The following PIEZO2 variants were observed in gnomAD, a reference collection of about 807,000 sequenced individuals.
PIEZO2 encodes piezo-type mechanosensitive ion channel component 2.
A neutral mutation model predicts 337.3 loss-of-function variants in PIEZO2; 172 were observed. The ratio of observed to expected loss-of-function variants is 0.51; its 90% CI spans 0.45 to 0.58. The LOEUF is 0.58. Among genes scored for constraint, PIEZO2 ranks in the 20% least tolerant of loss-of-function variants. The probability of loss-of-function intolerance (pLI) is 0.00; values close to 1 mark genes in which losing one functional copy is unlikely to be tolerated. For missense variants in PIEZO2, 3,028 were observed against 3,391.3 expected, an observed-to-expected ratio of 0.89 and a Z score of 2.66; for synonymous variants, 1,251 against 1,228.5, an observed-to-expected ratio of 1.02 and a Z score of -0.38.
intron 4 of PIEZO2, among the ~76,000 whole-genome samples, chr18:10,882,690 A>T (rs1289700145): frequency 6.6e-6 from 1 of 152,030 alleles, no homozygotes; most frequent in East Asian, 1.9e-4. Context: ...TTTAGCTCCC[A>T]CATATGAATG....
chr18:10,695,050 A>G (rs1448545553), intron 47 of PIEZO2, among the ~76,000 whole-genome samples: 1 of 152,198 alleles, frequency 6.6e-6, no homozygotes, highest in East Asian at 1.9e-4. Flanking sequence ...ACTACATCAT[A>G]TGGACAAGGC....
In PIEZO2 at chr18:10,682,723, C is replaced by T. The variant is rs645505; in HGVS notation, c.7498-431G>A. On this transcript the variant is annotated intron_variant, in intron 49 of 55. Coordinates refer to ENST00000674853, the MANE Select transcript of PIEZO2 (RefSeq NM_001378183.1). This position sits in a 1 kb window ranked among gnomAD's most constrained non-coding sequence, Gnocchi z 5.6. ...GTGCCTTTCAGTTGACCCTTCCCTGCCCTTGGAGGGTGAAAAAACATGATT... is the reference window on the plus strand; with the variant it reads ...GTGCCTTTCAGTTGACCCTTCCCTGTCCTTGGAGGGTGAAAAAACATGATT... Among the ~76,000 whole-genome samples the T allele has an allele frequency of 0.7, 106,747 of 151,920 alleles. 40,101 individuals are homozygous for T. The highest frequency in any genetic ancestry group is 0.83 in the Non-Finnish European group (56,375 of 67,930).
chr18:11,130,420 G>A (rs995149318), intron 1 of PIEZO2, among the ~76,000 whole-genome samples: 2 of 152,250 alleles, frequency 1.3e-5, no homozygotes, highest in Non-Finnish European at 1.5e-5. Context: ...GGCAAGGCCA[G>A]CAATATACCT....
rs1350730409 is a variant in PIEZO2 at position 10,856,386 on chromosome 18, T to G, written c.703+615A>C. Among the ~76,000 whole-genome samples the G allele has an allele frequency of 6.6e-6, 1 of 152,138 alleles. No individual in the cohort carries two copies. The highest frequency in any genetic ancestry group is 1.9e-4 in the East Asian group (1 of 5,190). On this transcript the variant is annotated intron_variant, in intron 6 of 55. Transcript: ENST00000674853. The surrounding 1 kb of genome is among the most constrained non-coding windows in gnomAD (Gnocchi z 4.7). ...TAAAAAACAGCTAAGTTGCTGCATC[T>G]TTGCAGTTTGCTTGAGTCTACTCTA...
In PIEZO2 at chr18:11,126,054, G is replaced by T. The variant is rs1214199963; in HGVS notation, c.64+22471C>A. Among the ~76,000 whole-genome samples, 1 of 152,144 alleles carries T rather than the reference G, an allele frequency of 6.6e-6. No homozygotes were observed. Among genetic ancestry groups the T allele is most frequent in the Non-Finnish European group, 1.5e-5 (1 of 68,032 alleles). ...ATTTTCCAAAATACGTTAACTTTCAGTCTGTACTTACCCTTAGACCTGCAT... is the reference window on the plus strand; with the variant it reads ...ATTTTCCAAAATACGTTAACTTTCATTCTGTACTTACCCTTAGACCTGCAT... On this transcript the variant is annotated intron_variant, in intron 1 of 55. Coordinates refer to ENST00000674853, the MANE Select transcript of PIEZO2 (RefSeq NM_001378183.1). The surrounding 1 kb of genome is among the most constrained non-coding windows in gnomAD (Gnocchi z 4.6).
Position 10,731,177 on chromosome 18 carries a change from T to TATATATATATA in PIEZO2, c.5029+229_5029+230insTATATATATAT, listed in dbSNP as rs1555633703. Among the ~76,000 whole-genome samples the TATATATATATA allele has an allele frequency of 7.1e-4, 25 of 35,228 alleles. 2 individuals carry two copies. The highest frequency in any genetic ancestry group is 1.4e-3 in the East Asian group (1 of 692). The allele number at this position is 35,228 out of a possible 152,430, so 23.1% of individuals were successfully genotyped here. ...CTCTCCTTTTTTCCTACTTAAAAGA[T>TATATATATATA]TATATATATATATATATATATATAT... On this transcript the variant is annotated intron_variant, in intron 36 of 55. Transcript: ENST00000674853.
intron 3 of PIEZO2, among the ~76,000 whole-genome samples, chr18:10,925,872 G>GT (rs2031700852): frequency 6.7e-6 from 1 of 148,208 alleles, no homozygotes; most frequent in African/African-American, 2.5e-5. Context: ...CTGGCCAAAA[G>GT]TTTTTTAATG....
intron 4 of PIEZO2, among the ~76,000 whole-genome samples, chr18:10,880,580 T>C (rs1598621704): frequency 6.6e-6 from 1 of 151,962 alleles, no homozygotes; most frequent in Non-Finnish European, 1.5e-5. Flanking sequence ...GGTGGAAAGG[T>C]CACCTTCAAC....
At chr18:10,738,019 T>C (rs931969259) in intron 33 of PIEZO2, 1 of 152,198 alleles carries the variant, frequency 6.6e-6, no homozygotes. Context: ...AGTGGGTGAA[T>C]TGGGCCTTAT....
chr18:11,147,936 G>A (rs377699364), intron 1 of PIEZO2, among the ~76,000 whole-genome samples: 332 of 152,362 alleles, frequency 2.2e-3, no homozygotes, highest in Admixed American at 4.2e-3. Flanking sequence ...TATAGCCTTA[G>A]CATCCAGTAC....
chr18:10,881,626 T>C (rs141221499), intron 4 of PIEZO2, among the ~76,000 whole-genome samples: 43 of 152,320 alleles, frequency 2.8e-4, no homozygotes, highest in African/African-American at 8.4e-4. Flanking sequence ...ATCATGGAAA[T>C]TGGTATAAAT....
In PIEZO2 at chr18:10,797,528, T is replaced by C; in HGVS notation, c.1379-6A>G. On this transcript the variant is annotated splice_polypyrimidine_tract_variant and splice_region_variant and intron_variant, in intron 11 of 55. Transcript: ENST00000674853. ...CTCTTCCTCCTCTCGCTTTTCTAGATGGACGAATACTTTATTTAACTATTT... is the reference window on the plus strand; with the variant it reads ...CTCTTCCTCCTCTCGCTTTTCTAGACGGACGAATACTTTATTTAACTATTT... 1 of 1,536,478 alleles carries C rather than the reference T, an allele frequency of 6.5e-7. No individual in the cohort carries two copies. Among genetic ancestry groups the C allele is most frequent in the Non-Finnish European group, 8.7e-7 (1 of 1,146,722 alleles).
At chr18:10,868,013 C>T (rs985543341) in intron 5 of PIEZO2, among the ~76,000 whole-genome samples, 16 of 152,198 alleles carry the variant, frequency 1.1e-4, no homozygotes, top group African/African-American at 3.4e-4. Flanking sequence ...CACTGCACTG[C>T]CATCTCCACT....
At chr18:10,938,540 A>T (rs527530592) in intron 3 of PIEZO2, among the ~76,000 whole-genome samples, 6 of 152,322 alleles carry the variant, frequency 3.9e-5, no homozygotes, top group African/African-American at 1.4e-4. Flanking sequence ...TTGTAGTTTT[A>T]ATTAGATTTG....
intron 3 of PIEZO2, among the ~76,000 whole-genome samples, chr18:10,949,336 C>A (rs573404291): frequency 6.6e-6 from 1 of 152,162 alleles, no homozygotes; most frequent in Non-Finnish European, 1.5e-5. Context: ...AACAATCAAA[C>A]AAATTATATT....
intron 20 of PIEZO2, among the ~76,000 whole-genome samples, chr18:10,772,685 G>A (rs1333253940): frequency 2.6e-5 from 4 of 152,200 alleles, no homozygotes; most frequent in African/African-American, 7.2e-5. Context: ...TCACCCCAGA[G>A]ATGATGCTCT....
intron 1 of PIEZO2, among the ~76,000 whole-genome samples, chr18:11,114,222 G>T (rs1304962660): frequency 6.6e-6 from 1 of 152,140 alleles, no homozygotes; most frequent in Non-Finnish European, 1.5e-5. Context: ...CCAAATTTTT[G>T]AATCTGACAC....
At chr18:10,918,283 CTTAA>C (rs538508250) in intron 3 of PIEZO2, among the ~76,000 whole-genome samples, 266 of 152,120 alleles carry the variant, frequency 1.7e-3, no homozygotes, top group African/African-American at 5.7e-3. Flanking sequence ...TTTATCATCC[CTTAA>C]TTAATAGTTT....
rs2034568342 is a variant in PIEZO2 at position 10,979,207 on chromosome 18, T to C, written c.286+328A>G. On this transcript the variant is annotated intron_variant, in intron 3 of 55. Coordinates refer to ENST00000674853, the MANE Select transcript of PIEZO2 (RefSeq NM_001378183.1). The surrounding 1 kb of genome is among the most constrained non-coding windows in gnomAD (Gnocchi z 4.0). Reference sequence around the variant, plus strand: ...TGTTAGAAATTGTACCTTTTTTTTTTTTTACTCGCTGTAATGAAAGCTCCA... The same window carrying C: ...TGTTAGAAATTGTACCTTTTTTTTTCTTTACTCGCTGTAATGAAAGCTCCA... 6.6e-6 allele frequency among the ~76,000 whole-genome samples: 1 copy of C among 152,192 alleles called. No individual in the cohort carries two copies. The highest frequency in any genetic ancestry group is 2.4e-5 in the African/African-American group (1 of 41,540).
Sources: allele counts gnomAD v4.1 joint callset (sites outside exome capture counted in the v4.1 genomes callset), GRCh38; gene constraint gnomAD v4.1.1; non-coding constraint Gnocchi (gnomAD v3.1); transcripts MANE v1.5; gene names NCBI Gene and HGNC (gene_info 2026-07-23, HGNC 2026-07-21).